Variants in TMEM132D observed in about 807,000 individuals in gnomAD.
TMEM132D encodes transmembrane protein 132D.
Under a neutral mutation model 62.3 loss-of-function variants are expected in TMEM132D, and 21 were observed. The observed-to-expected ratio is 0.34, with a 90% confidence interval of 0.24 to 0.49. The LOEUF (loss-of-function observed/expected upper bound fraction) is 0.49, where lower values mean the gene tolerates loss of function less well. Among genes scored for constraint, TMEM132D ranks in the 20% least tolerant of loss-of-function variants. The probability of loss-of-function intolerance (pLI) is 0.99; values close to 1 mark genes in which losing one functional copy is unlikely to be tolerated. For missense variants in TMEM132D, 1,346 were observed against 1,402.8 expected (o/e 0.96, Z 0.65); for synonymous variants, 621 against 575.6 (o/e 1.08, Z -1.13).
intron 2 of TMEM132D, among the ~76,000 whole-genome samples, chr12:129,687,976 C>T (rs192076315): frequency 1.3e-5 from 2 of 152,284 alleles, no homozygotes; most frequent in Admixed American, 1.3e-4. Context: ...TCCCCTTTCC[C>T]TAAGAGGATC....
chr12:129,074,460 G>T lies in TMEM132D; in HGVS notation c.2715C>A (p.Asp905Glu), dbSNP rs1874181296. The change falls in exon 9 of 9, where the codon GAC becomes GAA. Residue 905 changes from aspartate to glutamate, a missense_variant. Coordinates refer to ENST00000422113, the MANE Select transcript of TMEM132D (RefSeq NM_133448.3). ...TCAGCCCTTTGGATGCCTGCATAAG[G>T]TCATTCCCATCCATTTCCCCATTGC... ...PRSNGEMDGN[D>E]LMQASKGLSD... is the part of the protein sequence containing the mutation. 1 of 1,614,102 alleles carries T rather than the reference G, an allele frequency of 6.2e-7. No homozygotes were observed. Among genetic ancestry groups the T allele is most frequent in the South Asian group, 1.1e-5 (1 of 91,064 alleles).
intron 3 of TMEM132D, among the ~76,000 whole-genome samples, chr12:129,364,045 G>A (rs1870331069): frequency 6.6e-6 from 1 of 152,150 alleles, no homozygotes; most frequent in Admixed American, 6.5e-5. Flanking sequence ...AACCTTAACA[G>A]TTCATGTCAC....
At chr12:129,854,517 G>A (rs1439625378) in intron 1 of TMEM132D, 2 of 152,168 alleles carry the variant, frequency 1.3e-5, no homozygotes, top group Admixed American at 6.5e-5. Flanking sequence ...AATGGATTGA[G>A]TTTTCTAAAA....
intron 1 of TMEM132D, among the ~76,000 whole-genome samples, chr12:129,805,193 T>G (rs1871939203): frequency 1.3e-5 from 2 of 151,714 alleles, no homozygotes; most frequent in Non-Finnish European, 2.9e-5. Flanking sequence ...AAAAACTACT[T>G]TAAAGTTCAT....
intron 3 of TMEM132D, among the ~76,000 whole-genome samples, chr12:129,363,266 G>A (rs182060985): frequency 9.2e-5 from 14 of 152,144 alleles, no homozygotes; most frequent in Non-Finnish European, 1.9e-4. Context: ...GTCCCCAAAC[G>A]TCTGCACCTG....
chr12:129,272,267 G>A (rs759071563), intron 4 of TMEM132D, among the ~76,000 whole-genome samples: 1 of 151,790 alleles, frequency 6.6e-6, no homozygotes, highest in Admixed American at 6.6e-5. Context: ...CTCAATCAGG[G>A]TCTACATTTT....
Position 129,607,027 on chromosome 12 carries a change from C to T in TMEM132D, c.969-75822G>A, listed in dbSNP as rs1214451332. On this transcript the variant is annotated intron_variant, in intron 2 of 8. Coordinates refer to ENST00000422113, the MANE Select transcript of TMEM132D (RefSeq NM_133448.3). Reference sequence around the variant, plus strand: ...AAATGAAGAAACTGTGTTCTCATCTCTGTGTCTCCACTGCTTAGTTTCTTT... The same window carrying T: ...AAATGAAGAAACTGTGTTCTCATCTTTGTGTCTCCACTGCTTAGTTTCTTT... Among the ~76,000 whole-genome samples the T allele has an allele frequency of 5.9e-5, 9 of 151,648 alleles. 1 individual carries two copies. Among genetic ancestry groups the T allele is most frequent in the Admixed American group, 5.9e-4 (9 of 15,244 alleles).
intron 2 of TMEM132D, among the ~76,000 whole-genome samples, chr12:129,634,485 A>G (rs2137169648): frequency 6.6e-6 from 1 of 151,954 alleles, no homozygotes; most frequent in East Asian, 1.9e-4. Context: ...AAAAAAAAAA[A>G]AAAAATGAAA....
intron 2 of TMEM132D, among the ~76,000 whole-genome samples, chr12:129,660,154 T>C (rs1880198944): frequency 6.6e-6 from 1 of 151,926 alleles, no homozygotes; most frequent in African/African-American, 2.4e-5. Flanking sequence ...TCATGTATTG[T>C]AAAAGAGAGA....
chr12:129,235,088 G>A (rs1288407407), intron 4 of TMEM132D, among the ~76,000 whole-genome samples: 2 of 152,104 alleles, frequency 1.3e-5, no homozygotes, highest in Non-Finnish European at 2.9e-5. Context: ...CTTTGAGGGC[G>A]GACTACTATA....
At chr12:129,567,755 A>C (rs1877408588) in intron 2 of TMEM132D, among the ~76,000 whole-genome samples, 1 of 152,124 alleles carries the variant, frequency 6.6e-6, no homozygotes, top group South Asian at 2.1e-4. Context: ...TAAATGTATA[A>C]ATATATATTT....
chr12:129,637,295 G>C (rs555471962), intron 2 of TMEM132D, among the ~76,000 whole-genome samples: 12 of 152,238 alleles, frequency 7.9e-5, no homozygotes, highest in African/African-American at 2.9e-4. Flanking sequence ...ATTTGCCTTT[G>C]TCTCAGAATT....
intron 3 of TMEM132D, among the ~76,000 whole-genome samples, chr12:129,449,989 CAT>C (rs1873224192): frequency 6.6e-6 from 1 of 152,102 alleles, no homozygotes; most frequent in African/African-American, 2.4e-5. Flanking sequence ...AGCTTTTTTC[CAT>C]ATGATTGTTG....
At chr12:129,535,753 G>C (rs1334327924) in intron 2 of TMEM132D, among the ~76,000 whole-genome samples, 1 of 148,876 alleles carries the variant, frequency 6.7e-6, no homozygotes. Flanking sequence ...TTGTTTGTTG[G>C]GAGATTCATT....
At chr12:129,777,998 G>A (rs1362531023) in intron 1 of TMEM132D, among the ~76,000 whole-genome samples, 1 of 150,190 alleles carries the variant, frequency 6.7e-6, no homozygotes, top group Non-Finnish European at 1.5e-5. Context: ...AGCTAGGTGT[G>A]TAATCCCAGC....
chr12:129,145,529 A>T (rs1393156555), intron 5 of TMEM132D, among the ~76,000 whole-genome samples: 1 of 152,082 alleles, frequency 6.6e-6, no homozygotes, highest in Non-Finnish European at 1.5e-5. Context: ...TGATCGCAAC[A>T]TCACAAGCTG....
chr12:129,398,495 C>A (rs1871498554), intron 3 of TMEM132D, among the ~76,000 whole-genome samples: 1 of 152,152 alleles, frequency 6.6e-6, no homozygotes, highest in Non-Finnish European at 1.5e-5. Context: ...TCTCCTTGGG[C>A]AGTACCAGGA....
intron 2 of TMEM132D, among the ~76,000 whole-genome samples, chr12:129,634,380 A>G (rs556531707): frequency 1.1e-4 from 17 of 151,474 alleles, no homozygotes; most frequent in African/African-American, 3.9e-4. Flanking sequence ...AGGCTGAGGC[A>G]GGAGGATTGC....
At chr12:129,180,404 G>A (rs537012057) in intron 5 of TMEM132D, among the ~76,000 whole-genome samples, 10 of 152,276 alleles carry the variant, frequency 6.6e-5, no homozygotes, top group Non-Finnish European at 1.3e-4. Context: ...ATGGGTTCCT[G>A]TGTATGCATT....
Sources: gnomAD v4.1 joint callset for allele counts (sites outside exome capture counted in the v4.1 genomes callset) on GRCh38, gnomAD v4.1.1 for gene constraint, MANE v1.5 for transcripts, NCBI Gene and HGNC (gene_info 2026-07-23, HGNC 2026-07-21) for gene names.